The following PLEKHA7 variants were observed in gnomAD, a reference collection of about 807,000 sequenced individuals.
The protein encoded by PLEKHA7 is pleckstrin homology domain containing A7, also known as pleckstrin homology domain-containing family A member 7.
A neutral mutation model predicts 170.0 loss-of-function variants in PLEKHA7; 104 were observed. The observed-to-expected ratio is 0.61, with a 90% CI of 0.52 to 0.72. The LOEUF is 0.72. Ranked by LOEUF, PLEKHA7 falls within the 30% of genes least tolerant of loss-of-function variation. The probability of loss-of-function intolerance (pLI) is 0.00; values close to 1 mark genes in which losing one functional copy is unlikely to be tolerated. For synonymous variants in PLEKHA7, 648 were observed against 660.8 expected, an observed-to-expected ratio of 0.98 and a Z score of 0.30; for missense variants, 1,615 against 1,671.7, an observed-to-expected ratio of 0.97 and a Z score of 0.59.
intron 17 of PLEKHA7, among the ~76,000 whole-genome samples, chr11:16,797,042 T>C (rs1204875394): frequency 1.3e-5 from 2 of 152,008 alleles, no homozygotes; most frequent in Non-Finnish European, 2.9e-5. Context: ...GAGTACAATT[T>C]TTATATATCA....
intron 3 of PLEKHA7, among the ~76,000 whole-genome samples, chr11:16,924,341 CA>C (rs1224200776): frequency 1.3e-5 from 2 of 152,222 alleles, no homozygotes; most frequent in Non-Finnish European, 2.9e-5. Context: ...CCACAGCCCC[CA>C]GGCCTGAAAA....
intron 3 of PLEKHA7, among the ~76,000 whole-genome samples, chr11:16,899,015 A>C (rs538429566): frequency 6.6e-6 from 1 of 152,210 alleles, no homozygotes; most frequent in African/African-American, 2.4e-5. Flanking sequence ...ATTAATCTAT[A>C]TATTCAATGT....
At chr11:16,832,828 G>C (rs1851221444) in intron 9 of PLEKHA7, among the ~76,000 whole-genome samples, 1 of 152,142 alleles carries the variant, frequency 6.6e-6, no homozygotes, top group Non-Finnish European at 1.5e-5. Flanking sequence ...TCTGAGCCAG[G>C]CCAGATGATG....
At chr11:16,893,725 G>T (rs10741712) in intron 3 of PLEKHA7, among the ~76,000 whole-genome samples, 117,511 of 152,082 alleles carry the variant, frequency 0.77, 47,097 homozygotes, top group Non-Finnish European at 0.9. Context: ...ATCCTGACAT[G>T]TAGCGCTTAC....
At position 16,858,697 on chromosome 11, in the gene PLEKHA7, G is replaced by A. The variant is rs571219920; in HGVS notation, c.306-2783C>T. 6.6e-5 allele frequency among the ~76,000 whole-genome samples: 10 copies of A among 152,090 alleles called. No individual in the cohort carries two copies. The East Asian group carries it at 1.9e-3, about 29-fold the overall frequency. On this transcript the variant is annotated intron_variant, in intron 4 of 26. Transcript: ENST00000531066. ...AGTAGAGAGGGAGTTTCACAATGTTGGTCAGGCTGGTCTCGAACTCCTGAC... is the reference window on the plus strand; with the variant it reads ...AGTAGAGAGGGAGTTTCACAATGTTAGTCAGGCTGGTCTCGAACTCCTGAC...
At chr11:16,841,086 CTT>C (rs766672366) in intron 9 of PLEKHA7, among the ~76,000 whole-genome samples, 2 of 152,200 alleles carry the variant, frequency 1.3e-5, no homozygotes, top group South Asian at 2.1e-4. Context: ...TCATATTCCT[CTT>C]GTTTTCTCTC....
intron 13 of PLEKHA7, among the ~76,000 whole-genome samples, chr11:16,809,670 CCACT>C: frequency 6.6e-6 from 1 of 152,292 alleles, no homozygotes; most frequent in African/African-American, 2.4e-5. Flanking sequence ...ACCATTCATC[CCACT>C]CAGTTTCATT....
chr11:16,998,214 T>C (rs1206348223), intron 3 of PLEKHA7, among the ~76,000 whole-genome samples: 1 of 152,168 alleles, frequency 6.6e-6, no homozygotes, highest in Non-Finnish European at 1.5e-5. Flanking sequence ...TAGAAGCCAT[T>C]GGCTTCTCAG....
chr11:16,801,659 T>A lies in PLEKHA7; in HGVS notation c.2307+9A>T, dbSNP rs776386328. ...CCTGAGGGAGACAGGTCTGCCACCC[T>A]CTACGCACAGTGGACTCTCTGGAGA... On this transcript the variant is annotated intron_variant, in intron 16 of 26. Coordinates refer to ENST00000531066, the MANE Select transcript of PLEKHA7 (RefSeq NM_001329630.2). 6 of 1,613,878 alleles carry A rather than the reference T, an allele frequency of 3.7e-6. No individual in the cohort carries two copies. In the Admixed American group the frequency reaches 6.7e-5, roughly 18 times the overall value.
intron 3 of PLEKHA7, among the ~76,000 whole-genome samples, chr11:16,873,236 G>A (rs11024065): frequency 0.084 from 12,748 of 152,188 alleles, 762 homozygotes; most frequent in Non-Finnish European, 0.13. Context: ...TAGCACAAAG[G>A]TTATAAAAGA....
At chr11:16,984,180 C>A (rs1399854128) in intron 3 of PLEKHA7, among the ~76,000 whole-genome samples, 1 of 152,084 alleles carries the variant, frequency 6.6e-6, no homozygotes, top group Admixed American at 6.5e-5. Flanking sequence ...TTTAATCAGT[C>A]TATTCTACGT....
At chr11:16,813,053 G>A (rs943701279) in intron 13 of PLEKHA7, 60 bp downstream of exon 13, 2 of 1,503,940 alleles carry the variant, frequency 1.3e-6, no homozygotes, top group Middle Eastern at 1.7e-4. Flanking sequence ...TGGCTCCAGT[G>A]AGGTGACACT....
At chr11:16,797,860 CCTTT>C (rs1848342182) in intron 17 of PLEKHA7, among the ~76,000 whole-genome samples, 2 of 152,242 alleles carry the variant, frequency 1.3e-5, no homozygotes, top group East Asian at 3.9e-4. Context: ...CCCCCTGATG[CCTTT>C]CTGTCACCCC....
chr11:16,871,277 T>C, intron 3 of PLEKHA7, 95 bp from the exon 4 acceptor site: 1 of 934,982 alleles, frequency 1.1e-6, no homozygotes, highest in Non-Finnish European at 1.7e-6. Context: ...ACCCTGGTCA[T>C]CAAAGATTTC....
intron 3 of PLEKHA7, among the ~76,000 whole-genome samples, chr11:16,997,749 G>T (rs1228517578): frequency 6.6e-6 from 1 of 152,178 alleles, no homozygotes; most frequent in Non-Finnish European, 1.5e-5. Context: ...CCCAAAAGGG[G>T]TTGCTGACTC....
intron 25 of PLEKHA7, among the ~76,000 whole-genome samples, chr11:16,783,472 G>A (rs943348647): frequency 6.6e-6 from 1 of 152,246 alleles, no homozygotes; most frequent in African/African-American, 2.4e-5. Flanking sequence ...TGACAGCCCA[G>A]GACAAGAAGC....
intron 3 of PLEKHA7, among the ~76,000 whole-genome samples, chr11:16,996,747 T>C (rs1864363279): frequency 6.6e-6 from 1 of 152,034 alleles, no homozygotes. Context: ...CCATCCTGGC[T>C]AACACGGTGA....
chr11:17,001,085 C>A (rs1412799481), intron 3 of PLEKHA7, among the ~76,000 whole-genome samples: 1 of 152,188 alleles, frequency 6.6e-6, no homozygotes, highest in African/African-American at 2.4e-5. Context: ...CTGCCTTGGG[C>A]TGCTCACTGC....
intron 8 of PLEKHA7, among the ~76,000 whole-genome samples, chr11:16,849,171 T>C (rs1188377695): frequency 6.6e-6 from 1 of 152,192 alleles, no homozygotes; most frequent in Non-Finnish European, 1.5e-5. Flanking sequence ...TTTAGGGAAC[T>C]CTCTTAGTAA....
Sources: gnomAD v4.1 joint callset for allele counts (sites outside exome capture counted in the v4.1 genomes callset) on GRCh38, gnomAD v4.1.1 for gene constraint, MANE v1.5 for transcripts, NCBI Gene and HGNC (gene_info 2026-07-23, HGNC 2026-07-21) for gene names.